Variants in SRGAP1 observed in about 807,000 individuals in gnomAD.
The protein encoded by SRGAP1 is SLIT-ROBO Rho GTPase activating protein 1, also known as SLIT-ROBO Rho GTPase-activating protein 1.
SRGAP1 carries 43 observed loss-of-function variants against 121.9 expected under a neutral mutation model. That is an observed-to-expected ratio of 0.35 (90% CI 0.28 to 0.46). The LOEUF (loss-of-function observed/expected upper bound fraction) is 0.46. Among genes scored for constraint, SRGAP1 ranks in the 20% least tolerant of loss-of-function variants. SRGAP1 has a pLI of 1.00. For missense variants in SRGAP1, 1,102 were observed against 1,350.9 expected (o/e 0.82, Z 2.89); for synonymous variants, 447 against 485.4 (o/e 0.92, Z 1.04).
chr12:64,057,613 G>T (rs1299535430), intron 6 of SRGAP1, among the ~76,000 whole-genome samples: 2 of 152,152 alleles, frequency 1.3e-5, no homozygotes, highest in African/African-American at 4.8e-5. Context: ...AAAATAAGGA[G>T]TGGATAGAGT....
At chr12:63,896,156 T>C (rs955035252) in intron 1 of SRGAP1, among the ~76,000 whole-genome samples, 1 of 152,134 alleles carries the variant, frequency 6.6e-6, no homozygotes, top group Non-Finnish European at 1.5e-5. Flanking sequence ...AAAGGACATA[T>C]GCCATAGAGT....
chr12:63,906,466 A>G (rs1739562189), intron 1 of SRGAP1, among the ~76,000 whole-genome samples: 2 of 151,948 alleles, frequency 1.3e-5, no homozygotes, highest in Admixed American at 6.6e-5. Flanking sequence ...AGGCGCTGCC[A>G]CCACGCCCGG....
chr12:64,096,325 A>T (rs1009089447), intron 14 of SRGAP1, among the ~76,000 whole-genome samples: 3 of 152,220 alleles, frequency 2.0e-5, no homozygotes, highest in African/African-American at 4.8e-5. Flanking sequence ...AGAACAACAG[A>T]TCCCTAAAAA....
chr12:63,905,966 A>G lies in SRGAP1; in HGVS notation c.67+61083A>G, dbSNP rs151321003. On this transcript the variant is annotated intron_variant, in intron 1 of 21. Transcript: ENST00000355086. Reference sequence around the variant, plus strand: ...GAAGCCTAAATTGATACAGTTGTGCAGCCATCACTGCAATGCAGGTGTAAA... The same window carrying G: ...GAAGCCTAAATTGATACAGTTGTGCGGCCATCACTGCAATGCAGGTGTAAA... 2.8e-4 allele frequency among the ~76,000 whole-genome samples: 42 copies of G among 152,374 alleles called. No individual in the cohort carries two copies. In the East Asian group the frequency reaches 6.6e-3, roughly 24 times the overall value.
intron 6 of SRGAP1, among the ~76,000 whole-genome samples, chr12:64,057,608 A>G (rs1043800390): frequency 2.0e-5 from 3 of 152,182 alleles, no homozygotes; most frequent in Admixed American, 2.0e-4. Context: ...GGCTCAAAAT[A>G]AGGAGTGGAT....
intron 8 of SRGAP1, among the ~76,000 whole-genome samples, chr12:64,068,480 GTT>G (rs1565666064): frequency 2.0e-5 from 3 of 150,182 alleles, no homozygotes; most frequent in Middle Eastern, 3.2e-3. Flanking sequence ...GACTACAAGT[GTT>G]AACCACCGTG....
chr12:63,861,287 C>CATATATATAT (rs368154902), intron 1 of SRGAP1, among the ~76,000 whole-genome samples: 6 of 137,718 alleles, frequency 4.4e-5, no homozygotes, highest in East Asian at 2.3e-4. Context: ...GGATGGTAGG[C>CATATATATAT]ATATATATAT....
At chr12:64,112,428 C>T (rs1411932089) in intron 17 of SRGAP1, among the ~76,000 whole-genome samples, 2 of 152,138 alleles carry the variant, frequency 1.3e-5, no homozygotes, top group Non-Finnish European at 2.9e-5. Flanking sequence ...TTCACTCTTC[C>T]TAATGAATAT....
intron 1 of SRGAP1, among the ~76,000 whole-genome samples, chr12:63,852,163 A>G (rs1899097143): frequency 6.6e-6 from 1 of 151,510 alleles, no homozygotes; most frequent in Non-Finnish European, 1.5e-5. Context: ...TGATTTTTGT[A>G]TTTTTTGTAG....
At chr12:64,047,822 G>A (rs940078208) in intron 6 of SRGAP1, among the ~76,000 whole-genome samples, 35 of 152,128 alleles carry the variant, frequency 2.3e-4, no homozygotes, top group African/African-American at 7.9e-4. Flanking sequence ...CAAATATAAA[G>A]TGATCACATT....
At chr12:63,876,732 A>C (rs1449565183) in intron 1 of SRGAP1, among the ~76,000 whole-genome samples, 1 of 152,234 alleles carries the variant, frequency 6.6e-6, no homozygotes. Flanking sequence ...TATTGTTTGC[A>C]CAAAAATCAG....
chr12:63,858,593 T>TA (rs1899334313), intron 1 of SRGAP1, among the ~76,000 whole-genome samples: 1 of 152,242 alleles, frequency 6.6e-6, no homozygotes, highest in African/African-American at 2.4e-5. Flanking sequence ...TATCTGAGTC[T>TA]AATTAGTTTC....
At chr12:63,962,549 AG>A (rs780199447) in intron 1 of SRGAP1, among the ~76,000 whole-genome samples, 16 of 152,094 alleles carry the variant, frequency 1.1e-4, no homozygotes, top group Non-Finnish European at 2.2e-4. Context: ...CGGGGATTAC[AG>A]GCGCCTGCCA....
chr12:63,984,968 A>T (rs1156909944), intron 2 of SRGAP1, among the ~76,000 whole-genome samples: 1 of 150,058 alleles, frequency 6.7e-6, no homozygotes, highest in Non-Finnish European at 1.5e-5. Context: ...GTGAGCTGAG[A>T]TTGCAACACT....
intron 8 of SRGAP1, among the ~76,000 whole-genome samples, chr12:64,067,630 T>A (rs2035563693): frequency 6.6e-6 from 1 of 152,146 alleles, no homozygotes; most frequent in African/African-American, 2.4e-5. Context: ...AATTAGATTT[T>A]CGATAATCAG....
intron 1 of SRGAP1, among the ~76,000 whole-genome samples, chr12:63,958,719 G>GA (rs2032547249): frequency 6.6e-6 from 1 of 152,054 alleles, no homozygotes; most frequent in Non-Finnish European, 1.5e-5. Flanking sequence ...GTGTTACTTT[G>GA]AAAAAACAAA....
intron 1 of SRGAP1, among the ~76,000 whole-genome samples, chr12:63,847,829 A>G (rs1314256004): frequency 2.0e-5 from 3 of 151,954 alleles, no homozygotes; most frequent in Non-Finnish European, 4.4e-5. Context: ...CATTTTGATT[A>G]TATGTATTTT....
chr12:64,060,288 G>T (rs10444577), intron 6 of SRGAP1, among the ~76,000 whole-genome samples: 2 of 148,832 alleles, frequency 1.3e-5, no homozygotes, highest in East Asian at 3.9e-4. Context: ...GCTTACTGCA[G>T]CCTCTACCTC....
intron 10 of SRGAP1, among the ~76,000 whole-genome samples, chr12:64,083,756 T>C (rs1219923967): frequency 6.6e-6 from 1 of 152,242 alleles, no homozygotes; most frequent in Non-Finnish European, 1.5e-5. Flanking sequence ...TTGGCTTCTT[T>C]GTGTGCAGCA....
Sources: allele counts gnomAD v4.1 joint callset (sites outside exome capture counted in the v4.1 genomes callset), GRCh38; gene constraint gnomAD v4.1.1; transcripts MANE v1.5; gene names NCBI Gene and HGNC (gene_info 2026-07-23, HGNC 2026-07-21).